CDK14: variants seen among roughly 807,000 people sequenced by gnomAD.
The protein encoded by CDK14 is cyclin dependent kinase 14, also known as cyclin-dependent kinase 14.
Under a neutral mutation model 60.7 loss-of-function variants are expected in CDK14, and 34 were observed. That is an observed-to-expected ratio of 0.56 (90% CI 0.43 to 0.75). The LOEUF (loss-of-function observed/expected upper bound fraction) is 0.75, where lower values mean the gene tolerates loss of function less well. Ranked by LOEUF, CDK14 falls within the 30% of genes least tolerant of loss-of-function variation. CDK14 has a pLI of 0.00. For synonymous variants in CDK14, 197 were observed against 203.7 expected (o/e 0.97, Z 0.28); for missense variants, 482 against 564.1 (o/e 0.85, Z 1.47).
chr7:91,020,926 A>G (rs1323098566), intron 10 of CDK14, among the ~76,000 whole-genome samples: 1 of 152,144 alleles, frequency 6.6e-6, no homozygotes, highest in Non-Finnish European at 1.5e-5. Flanking sequence ...TGTTGGTAGA[A>G]TTCAATCTCT....
At chr7:90,600,542 T>C (rs1164314411) in intron 1 of CDK14, among the ~76,000 whole-genome samples, 2 of 152,210 alleles carry the variant, frequency 1.3e-5, no homozygotes, top group African/African-American at 4.8e-5. Flanking sequence ...GTGAGGGAAC[T>C]AAATAAAAAG....
intron 3 of CDK14, among the ~76,000 whole-genome samples, chr7:90,740,112 C>T (rs954696460): frequency 9.7e-5 from 14 of 143,824 alleles, no homozygotes; most frequent in African/African-American, 3.1e-4. Flanking sequence ...GTTTAAATTA[C>T]GTGGAACCAA....
At chr7:90,963,680 GT>G (rs376787216) in intron 9 of CDK14, among the ~76,000 whole-genome samples, 43 of 130,850 alleles carry the variant, frequency 3.3e-4, no homozygotes, top group Middle Eastern at 4.5e-3. Context: ...GAAGACAAAG[GT>G]TTTTTTTTTT....
At chr7:90,654,451 T>C (rs1800710996) in intron 2 of CDK14, among the ~76,000 whole-genome samples, 1 of 152,222 alleles carries the variant, frequency 6.6e-6, no homozygotes. Flanking sequence ...TTATTTTCTT[T>C]ATTTAGCTTA....
At chr7:90,899,410 C>A in intron 7 of CDK14, 57 bp downstream of exon 7, 1 of 1,340,102 alleles carries the variant, frequency 7.5e-7, no homozygotes, top group Non-Finnish European at 1.0e-6. Context: ...ATTTTTTGAA[C>A]TGAAGTCTAG....
intron 5 of CDK14, among the ~76,000 whole-genome samples, chr7:90,833,131 C>T (rs749760407): frequency 5.3e-5 from 8 of 152,194 alleles, no homozygotes; most frequent in Non-Finnish European, 1.0e-4. Context: ...CACTTCCTGT[C>T]TCATGAGCTC....
At chr7:90,780,590 A>C in intron 4 of CDK14, among the ~76,000 whole-genome samples, 1 of 110,848 alleles carries the variant, frequency 9.0e-6, no homozygotes, top group Non-Finnish European at 1.7e-5. Context: ...CCCACCCCAC[A>C]ACATTCCCCA....
intron 2 of CDK14, among the ~76,000 whole-genome samples, chr7:90,605,464 T>A (rs1799398048): frequency 6.6e-6 from 1 of 152,218 alleles, no homozygotes; most frequent in African/African-American, 2.4e-5. Context: ...TCCTTCATAG[T>A]GGGCAATAAT....
At chr7:90,957,548 T>A (rs975864933) in intron 9 of CDK14, among the ~76,000 whole-genome samples, 7 of 151,814 alleles carry the variant, frequency 4.6e-5, no homozygotes, top group Non-Finnish European at 8.8e-5. Flanking sequence ...AGCATTCTTA[T>A]ACACCAACAA....
At chr7:90,716,957 C>T (rs1315132127) in intron 2 of CDK14, among the ~76,000 whole-genome samples, 1 of 152,024 alleles carries the variant, frequency 6.6e-6, no homozygotes, top group Non-Finnish European at 1.5e-5. Flanking sequence ...TGCAGTGGGT[C>T]TGAGATCCCA....
At chr7:90,970,722 GT>G (rs557563059) in intron 9 of CDK14, among the ~76,000 whole-genome samples, 267 of 152,332 alleles carry the variant, frequency 1.8e-3, no homozygotes, top group African/African-American at 6.1e-3. Context: ...GGAGCGAAAG[GT>G]TTCCATGGAG....
At chr7:90,846,652 G>A (rs530582737) in intron 5 of CDK14, among the ~76,000 whole-genome samples, 2 of 152,180 alleles carry the variant, frequency 1.3e-5, no homozygotes, top group Admixed American at 6.6e-5. Context: ...CCATGCCAGA[G>A]TAGGTTAGGA....
At chr7:90,714,005 CATT>C (rs972153084) in intron 2 of CDK14, among the ~76,000 whole-genome samples, 3 of 152,042 alleles carry the variant, frequency 2.0e-5, no homozygotes, top group East Asian at 3.9e-4. Flanking sequence ...CCATCATCAT[CATT>C]GTCATCTCAT....
At chr7:90,812,648 A>C (rs1045629406) in intron 5 of CDK14, among the ~76,000 whole-genome samples, 8 of 152,166 alleles carry the variant, frequency 5.3e-5, no homozygotes, top group Non-Finnish European at 8.8e-5. Flanking sequence ...ATGAATGGCT[A>C]ATAAGACCAT....
chr7:90,870,504 A>C (rs1046806648), intron 6 of CDK14, among the ~76,000 whole-genome samples: 2 of 152,228 alleles, frequency 1.3e-5, no homozygotes, highest in Non-Finnish European at 2.9e-5. Flanking sequence ...AAAAGTTTAA[A>C]AAAATTCATA....
At chr7:90,832,057 C>T (rs1030264176) in intron 5 of CDK14, among the ~76,000 whole-genome samples, 15 of 152,064 alleles carry the variant, frequency 9.9e-5, no homozygotes, top group South Asian at 6.2e-4. Flanking sequence ...TCAGAGAATA[C>T]ATCTGATCAT....
At chr7:90,658,330 C>T (rs186128131) in intron 2 of CDK14, among the ~76,000 whole-genome samples, 10 of 152,308 alleles carry the variant, frequency 6.6e-5, no homozygotes, top group South Asian at 2.1e-4. Context: ...TGAGGGCCCT[C>T]TTCTAGGTTG....
At chr7:90,853,422 C>T (rs1455348047) in intron 5 of CDK14, among the ~76,000 whole-genome samples, 2 of 152,032 alleles carry the variant, frequency 1.3e-5, no homozygotes, top group South Asian at 4.1e-4. Context: ...AAGACAAAGA[C>T]AGACACTAGA....
intron 14 of CDK14, among the ~76,000 whole-genome samples, chr7:91,170,969 T>C (rs1273238347): frequency 3.3e-5 from 5 of 151,768 alleles, no homozygotes; most frequent in Non-Finnish European, 5.9e-5. Flanking sequence ...GGTTTCACCA[T>C]GTCAGCCAGG....
Sources: gnomAD v4.1 joint callset for allele counts (sites outside exome capture counted in the v4.1 genomes callset) on GRCh38, gnomAD v4.1.1 for gene constraint, MANE v1.5 for transcripts, NCBI Gene and HGNC (gene_info 2026-07-23, HGNC 2026-07-21) for gene names.